Variants in LSAMP observed in about 807,000 individuals in gnomAD.
LSAMP encodes limbic system-associated membrane protein.
LSAMP carries 7 observed loss-of-function variants against 38.6 expected under a neutral mutation model. That is an observed-to-expected ratio of 0.18 (90% CI 0.10 to 0.34). The LOEUF (loss-of-function observed/expected upper bound fraction) is 0.34, where lower values mean the gene tolerates loss of function less well. Ranked by LOEUF, LSAMP falls within the 10% of genes least tolerant of loss-of-function variation. The pLI, the probability that LSAMP is intolerant of heterozygous loss-of-function variation, is 1.00. For missense variants in LSAMP, 313 were observed against 420.0 expected, an observed-to-expected ratio of 0.75 and a Z score of 2.23; for synonymous variants, 154 against 166.8, an observed-to-expected ratio of 0.92 and a Z score of 0.59.
At chr3:116,368,954 G>A (rs1404626515) in intron 1 of LSAMP, among the ~76,000 whole-genome samples, 1 of 152,128 alleles carries the variant, frequency 6.6e-6, no homozygotes, top group East Asian at 1.9e-4. Context: ...AAATAGAAAT[G>A]AGATTAACAA....
At chr3:116,004,828 A>G (rs1310980790) in intron 3 of LSAMP, among the ~76,000 whole-genome samples, 1 of 152,044 alleles carries the variant, frequency 6.6e-6, no homozygotes, top group Non-Finnish European at 1.5e-5. Context: ...TCTGGACCCA[A>G]TTCAAGATTT....
intron 1 of LSAMP, among the ~76,000 whole-genome samples, chr3:116,147,942 T>G (rs1429461791): frequency 6.6e-6 from 1 of 151,954 alleles, no homozygotes; most frequent in Non-Finnish European, 1.5e-5. Context: ...ATTCTTTCAC[T>G]TAATATGAAT....
chr3:115,988,854 A>G (rs1287504040), intron 3 of LSAMP, among the ~76,000 whole-genome samples: 1 of 152,068 alleles, frequency 6.6e-6, no homozygotes, highest in Non-Finnish European at 1.5e-5. Context: ...AACATTATCT[A>G]TTTTGTTCTC....
At chr3:116,443,985 TA>T (rs2107894520) in intron 1 of LSAMP, among the ~76,000 whole-genome samples, 1 of 152,288 alleles carries the variant, frequency 6.6e-6, no homozygotes, top group Non-Finnish European at 1.5e-5. Flanking sequence ...CAGTACCTGA[TA>T]GGGGTCAAAC....
intron 3 of LSAMP, among the ~76,000 whole-genome samples, chr3:115,870,606 A>G (rs1559860187): frequency 6.6e-6 from 1 of 152,048 alleles, no homozygotes; most frequent in Non-Finnish European, 1.5e-5. Context: ...GCATTTTAAC[A>G]CTCTGGTGGT....
At chr3:116,422,040 G>A (rs934031377) in intron 1 of LSAMP, among the ~76,000 whole-genome samples, 2 of 152,050 alleles carry the variant, frequency 1.3e-5, no homozygotes, top group South Asian at 2.1e-4. Flanking sequence ...GTCCATTAAC[G>A]GGTGAATGGT....
intron 1 of LSAMP, among the ~76,000 whole-genome samples, chr3:116,424,434 C>T (rs2049168191): frequency 6.6e-6 from 1 of 152,106 alleles, no homozygotes; most frequent in Admixed American, 6.5e-5. Flanking sequence ...ATAGTCGTAC[C>T]TTCTCCAAGG....
At chr3:116,136,162 TC>T (rs2107508868) in intron 1 of LSAMP, among the ~76,000 whole-genome samples, 1 of 152,254 alleles carries the variant, frequency 6.6e-6, no homozygotes, top group African/African-American at 2.4e-5. Context: ...ACCTAATATA[TC>T]AATAATTGTA....
At position 115,809,852 on chromosome 3, in the gene LSAMP, A is replaced by C. The variant is rs796338742; in HGVS notation, c.*465T>G. 1.3e-5 allele frequency: 2 copies of C among 153,966 alleles called. No individual in the cohort carries two copies. The highest frequency in any genetic ancestry group is 4.8e-5 in the African/African-American group (2 of 41,492). The allele number at this position is 153,966 out of a possible 1,614,324, so 9.5% of individuals were successfully genotyped here. A position where few individuals can be genotyped will look rare whatever the true frequency, so the allele number is the denominator to read the frequency against. Reference sequence around the variant, plus strand: ...GTCTGAAGTGGCTACAAGTCAGCTCAAATGAAAAATAGAATTAAAAGGTTA... The same window carrying C: ...GTCTGAAGTGGCTACAAGTCAGCTCCAATGAAAAATAGAATTAAAAGGTTA... On this transcript the variant is annotated 3_prime_UTR_variant, in exon 7 of 7. Coordinates refer to ENST00000490035, the MANE Select transcript of LSAMP (RefSeq NM_002338.5).
chr3:115,963,946 T>G (rs963643978), intron 3 of LSAMP, among the ~76,000 whole-genome samples: 2 of 151,906 alleles, frequency 1.3e-5, no homozygotes, highest in Non-Finnish European at 2.9e-5. Context: ...AGAGATAGAG[T>G]CTCCCTATGT....
intron 1 of LSAMP, among the ~76,000 whole-genome samples, chr3:116,266,233 G>A (rs998455305): frequency 1.3e-5 from 2 of 152,118 alleles, no homozygotes; most frequent in African/African-American, 4.8e-5. Context: ...ATTAAAAGCA[G>A]GATGCTTGTG....
chr3:115,884,163 G>T (rs148677727), intron 3 of LSAMP, among the ~76,000 whole-genome samples: 2 of 151,994 alleles, frequency 1.3e-5, no homozygotes, highest in Non-Finnish European at 2.9e-5. Flanking sequence ...AGAAAAGAGA[G>T]AGCTCTATGT....
chr3:115,977,010 C>T (rs558074715), intron 3 of LSAMP, among the ~76,000 whole-genome samples: 38 of 152,162 alleles, frequency 2.5e-4, no homozygotes, highest in African/African-American at 9.2e-4. Context: ...GACAGAACAA[C>T]TGGGGAACAG....
chr3:116,049,033 A>G (rs986152191), intron 2 of LSAMP, among the ~76,000 whole-genome samples: 5 of 152,226 alleles, frequency 3.3e-5, no homozygotes, highest in African/African-American at 1.2e-4. Context: ...AGTTCAGTGG[A>G]GAACAGAACC....
chr3:116,401,175 G>C (rs1043620263), intron 1 of LSAMP, among the ~76,000 whole-genome samples: 2 of 152,140 alleles, frequency 1.3e-5, no homozygotes, highest in Admixed American at 1.3e-4. Context: ...GAATATCTCA[G>C]AGCTTCCATA....
intron 1 of LSAMP, among the ~76,000 whole-genome samples, chr3:116,404,763 T>C (rs2048880554): frequency 6.6e-6 from 1 of 152,150 alleles, no homozygotes; most frequent in African/African-American, 2.4e-5. Context: ...TTTTTTGTGG[T>C]AAATATCAAA....
intron 6 of LSAMP, among the ~76,000 whole-genome samples, chr3:115,820,872 C>T (rs1163657858): frequency 6.6e-6 from 1 of 152,128 alleles, no homozygotes; most frequent in Admixed American, 6.5e-5. Context: ...TGAGATTATT[C>T]TTGGGAATTC....
At chr3:116,279,282 T>A (rs1295440187) in intron 1 of LSAMP, among the ~76,000 whole-genome samples, 3 of 152,196 alleles carry the variant, frequency 2.0e-5, no homozygotes, top group African/African-American at 4.8e-5. Flanking sequence ...GAGGAGAAAG[T>A]ACAATCACAC....
intron 1 of LSAMP, among the ~76,000 whole-genome samples, chr3:116,245,444 G>A (rs1478789297): frequency 1.3e-5 from 2 of 152,162 alleles, no homozygotes; most frequent in Admixed American, 6.5e-5. Context: ...TGCCCAAGGA[G>A]TGAAATTCAA....
Sources: allele counts gnomAD v4.1 joint callset (sites outside exome capture counted in the v4.1 genomes callset), GRCh38; gene constraint gnomAD v4.1.1; transcripts MANE v1.5; gene names NCBI Gene and HGNC (gene_info 2026-07-23, HGNC 2026-07-21).